The following ZNF607 variants were observed in gnomAD, a reference collection of about 807,000 sequenced individuals.
The protein encoded by ZNF607 is zinc finger protein 607.
In ZNF607, 5 loss-of-function variants were observed where a neutral mutation model predicts 12.8. The observed-to-expected ratio is 0.39, with a 90% CI of 0.20 to 0.82. The LOEUF is 0.82. Among genes scored for constraint, ZNF607 ranks in the 40% least tolerant of loss-of-function variants. ZNF607 has a pLI of 0.39. For synonymous variants in ZNF607, 287 were observed against 276.2 expected, an observed-to-expected ratio of 1.04 and a Z score of -0.39; for missense variants, 851 against 859.2, an observed-to-expected ratio of 0.99 and a Z score of 0.12.
At position 37,696,588 on chromosome 19, in the gene ZNF607, G is replaced by T; in HGVS notation, c.*1452C>A. The T allele has an allele frequency of 1.8e-6, 1 of 545,586 alleles. No individual in the cohort carries two copies. The highest frequency in any genetic ancestry group is 1.9e-5 in the African/African-American group (1 of 52,218). 33.8% of individuals were successfully genotyped at this position (545,586 alleles called of 1,614,324 possible). ...GAATCATCGGGGCTGTGGCCCAGTT[G>T]CCTCACGGAGGTGCAGGTAGGCTGG... On this transcript the variant is annotated 3_prime_UTR_variant, in exon 5 of 5. Transcript: ENST00000355202.
intron 1 of ZNF607, among the ~76,000 whole-genome samples, chr19:37,712,388 G>A (rs1408086219): frequency 2.0e-5 from 3 of 152,182 alleles, no homozygotes; most frequent in Middle Eastern, 3.2e-3. Flanking sequence ...GCATGCACCT[G>A]TAGTCCCAGC....
intron 4 of ZNF607, among the ~76,000 whole-genome samples, chr19:37,702,874 C>T (rs1177977117): frequency 6.6e-6 from 1 of 151,980 alleles, no homozygotes; most frequent in Non-Finnish European, 1.5e-5. Context: ...ACTATAATAC[C>T]TATAACACTA....
At chr19:37,719,157 A>C (rs1202159021) in intron 1 of ZNF607, 112 bp downstream of exon 1, 2 of 153,214 alleles carry the variant, frequency 1.3e-5, no homozygotes, top group African/African-American at 4.8e-5. Flanking sequence ...AAGGCACAGG[A>C]AGCAGCAGGG....
chr19:37,699,570 T>C lies in ZNF607; in HGVS notation c.561A>G (p.Gln187=), dbSNP rs745704035. The C allele has an allele frequency of 5.6e-6, 9 of 1,614,094 alleles. No homozygotes were observed. Among genetic ancestry groups the C allele is most frequent in the South Asian group, 5.5e-5 (5 of 91,070 alleles). ...KVFSYPANLA[Q]HGKVHVEKPY... is the part of the protein sequence containing the mutation. ...GTTTCTCAACATGAACTTTCCCATGTTGAGCAAGGTTTGCAGGATAACTGA... is the reference window on the plus strand; with the variant it reads ...GTTTCTCAACATGAACTTTCCCATGCTGAGCAAGGTTTGCAGGATAACTGA... Residue 187 remains glutamine, a synonymous_variant, in exon 5 of 5, where the codon CAA becomes CAG. Coordinates refer to ENST00000355202, the MANE Select transcript of ZNF607 (RefSeq NM_032689.5).
intron 3 of ZNF607, among the ~76,000 whole-genome samples, chr19:37,709,276 C>T (rs1372828953): frequency 1.3e-5 from 2 of 152,154 alleles, no homozygotes; most frequent in African/African-American, 2.4e-5. Context: ...TCAATAATAA[C>T]GGCAATTCAG....
chr19:37,712,731 C>A (rs778469283), intron 1 of ZNF607, among the ~76,000 whole-genome samples: 4 of 152,078 alleles, frequency 2.6e-5, no homozygotes, highest in African/African-American at 4.8e-5. Flanking sequence ...ATTGTAAGCA[C>A]GGACATATTA....
chr19:37,711,562 C>T (rs2145244391), intron 2 of ZNF607, 48 bp downstream of exon 2: 1 of 1,606,286 alleles, frequency 6.2e-7, no homozygotes, highest in Non-Finnish European at 8.5e-7. Context: ...CATACATGAC[C>T]TAAAAAATCA....
In ZNF607 at chr19:37,698,566, T is replaced by C; in HGVS notation, c.1565A>G (p.Gln522Arg). 6.2e-7 allele frequency: 1 copy of C among 1,611,934 alleles called. No homozygotes were observed. The highest frequency in any genetic ancestry group is 1.7e-5 in the Admixed American group (1 of 59,952). ...CTTACCACTGTGAATACTCAGATGC[T>C]GAGTAAGTTGTCCAGATACACTAAA... is the stretch of plus-strand genomic sequence containing the variant. ...KAFSVSGQLT[Q>R]HLSIHSGKKP... Residue 522 changes from glutamine (Q) to arginine (R), a missense_variant, in exon 5 of 5, where the codon CAG (glutamine) becomes CGG (arginine). Transcript: ENST00000355202.
rs1323856838 is a variant in ZNF607 at position 37,698,587 on chromosome 19, C to A, written c.1544G>T (p.Ser515Ile). The change falls in exon 5 of 5, where the codon AGT becomes ATT. Residue 515 changes from serine (S) to isoleucine (I), a missense_variant. By Grantham distance (142) the Ser-to-Ile change is moderately radical (BLOSUM62 -2). Coordinates refer to ENST00000355202, the MANE Select transcript of ZNF607 (RefSeq NM_032689.5). ...YECKECGKAF[S>I]VSGQLTQHLS... ...ATGCTGAGTAAGTTGTCCAGATACA[C>A]TAAAGGCCTTCCCACATTCCTTACA... 2 of 1,613,802 alleles carry A rather than the reference C, an allele frequency of 1.2e-6. No individual in the cohort carries two copies. Among genetic ancestry groups the A allele is most frequent in the African/African-American group, 1.3e-5 (1 of 74,840 alleles).
Position 37,699,317 on chromosome 19 carries a change from G to A in ZNF607, c.814C>T (p.Gln272Ter). 1.2e-6 allele frequency: 2 copies of A among 1,613,646 alleles called. No homozygotes were observed. Among genetic ancestry groups the A allele is most frequent in the Non-Finnish European group, 1.7e-6 (2 of 1,179,940 alleles). The change falls in exon 5 of 5, where the codon CAG (glutamine) becomes TAG (stop). Residue 272 changes from glutamine to a stop codon, truncating the protein, a stop_gained. Transcript: ENST00000355202. LOFTEE classifies it low-confidence loss of function (END_TRUNC). ...GGCTTCTCTCCAGTATGAATACTCT[G>A]ATGTACTTTAAGGCCTGCTTTGAGC... ...FRLKAGLKVH[Q>*]SIHTGEKPHE...
At chr19:37,703,904 A>G (rs1374250762) in intron 4 of ZNF607, among the ~76,000 whole-genome samples, 1 of 152,204 alleles carries the variant, frequency 6.6e-6, no homozygotes, top group Non-Finnish European at 1.5e-5. Context: ...TGGGAGGCCG[A>G]GGTGGGCAGA....
rs769230110 is a variant in ZNF607, at chr19:37,698,269, C to G, written c.1862G>C (p.Arg621Thr). The change falls in exon 5 of 5, where the codon AGA becomes ACA. Residue 621 changes from arginine (R) to threonine (T), a missense_variant. By Grantham distance (71) the Arg-to-Thr change is moderately conservative. Coordinates refer to ENST00000355202, the MANE Select transcript of ZNF607 (RefSeq NM_032689.5). Reference sequence around the variant, plus strand: ...GGCACAGTGAAATGCCTTCCCACATCTTTTACATTCATAGGGTTTATCACT... The same window carrying G: ...GGCACAGTGAAATGCCTTCCCACATGTTTTACATTCATAGGGTTTATCACT... ...HTSDKPYECKRCGKAFHCASY... is the reference protein window; with the variant it reads ...HTSDKPYECKTCGKAFHCASY... The G allele has an allele frequency of 1.9e-6, 3 of 1,613,520 alleles. No homozygotes were observed. Among genetic ancestry groups the G allele is most frequent in the East Asian group, 4.5e-5 (2 of 44,822 alleles).
intron 3 of ZNF607, among the ~76,000 whole-genome samples, chr19:37,709,139 C>A (rs2145240041): frequency 6.6e-6 from 1 of 152,256 alleles, no homozygotes; most frequent in East Asian, 1.9e-4. Flanking sequence ...ATGTGATTTT[C>A]ATGGATTATA....
At chr19:37,707,738 C>T (rs918731117) in intron 4 of ZNF607, among the ~76,000 whole-genome samples, 176 bp downstream of exon 4, 1 of 152,148 alleles carries the variant, frequency 6.6e-6, no homozygotes, top group Non-Finnish European at 1.5e-5. Context: ...CAGCGCTGGG[C>T]CTTCATTGGC....
At position 37,698,333 on chromosome 19, in the gene ZNF607, GACT is replaced by G; in HGVS notation, c.1795_1797del (p.Ser599del). ...TCATGAATAATAAGATGTGAAGCAT[GACT>G]AAAAGTTTCCCCACATTCTTTACAT... is the stretch of plus-strand genomic sequence containing the variant. On this transcript the variant is annotated inframe_deletion, in exon 5 of 5. Coordinates refer to ENST00000355202, the MANE Select transcript of ZNF607 (RefSeq NM_032689.5). The G allele has an allele frequency of 1.2e-6, 2 of 1,614,004 alleles. No homozygotes were observed. The highest frequency in any genetic ancestry group is 1.7e-6 in the Non-Finnish European group (2 of 1,179,986).
At chr19:37,703,457 C>A (rs543228402) in intron 4 of ZNF607, among the ~76,000 whole-genome samples, 1 of 152,000 alleles carries the variant, frequency 6.6e-6, no homozygotes, top group East Asian at 1.9e-4. Context: ...CACCTCACAC[C>A]CATCAGGATG....
intron 4 of ZNF607, among the ~76,000 whole-genome samples, chr19:37,704,856 C>G (rs1167398459): frequency 1.3e-5 from 2 of 152,104 alleles, no homozygotes; most frequent in Non-Finnish European, 2.9e-5. Flanking sequence ...GAGGCTGAGG[C>G]AGGAGAATGG....
intron 1 of ZNF607, among the ~76,000 whole-genome samples, 186 bp from the exon 2 acceptor site, chr19:37,711,878 G>C (rs1249029007): frequency 6.6e-6 from 1 of 152,180 alleles, no homozygotes; most frequent in Admixed American, 6.5e-5. Context: ...CACCTACACA[G>C]AGTCATACAT....
At chr19:37,711,584 C>T (rs2045133179) in intron 2 of ZNF607, 26 bp downstream of exon 2, 7 of 1,613,356 alleles carry the variant, frequency 4.3e-6, no homozygotes, top group Middle Eastern at 1.7e-4. Context: ...ACACAAACCT[C>T]CACATGGCGA....
Sources: gnomAD v4.1 joint callset for allele counts (sites outside exome capture counted in the v4.1 genomes callset) on GRCh38, gnomAD v4.1.1 for gene constraint, MANE v1.5 for transcripts, NCBI Gene and HGNC (gene_info 2026-07-23, HGNC 2026-07-21) for gene names.